Variants in MAGI3 observed in about 807,000 individuals in gnomAD.
The protein encoded by MAGI3 is membrane associated guanylate kinase, WW and PDZ domain containing 3, also known as membrane-associated guanylate kinase, WW and PDZ domain-containing protein 3.
Under a neutral mutation model 121.8 loss-of-function variants are expected in MAGI3, and 43 were observed. The observed-to-expected ratio is 0.35, with a 90% CI of 0.28 to 0.46. MAGI3 has a LOEUF of 0.46. Ranked by LOEUF, MAGI3 falls within the 20% of genes least tolerant of loss-of-function variation. The pLI is 1.00. For missense variants in MAGI3, 1,547 were observed against 1,797.3 expected (o/e 0.86, Z 2.52); for synonymous variants, 553 against 639.3 (o/e 0.86, Z 2.04).
chr1:113,447,151 A>G (rs1654215118), intron 1 of MAGI3, among the ~76,000 whole-genome samples: 1 of 152,226 alleles, frequency 6.6e-6, no homozygotes, highest in Non-Finnish European at 1.5e-5. Flanking sequence ...TGTTAACTTT[A>G]TGTTATGTGT....
intron 2 of MAGI3, among the ~76,000 whole-genome samples, chr1:113,560,404 CAAA>C (rs200874361): frequency 7.5e-5 from 11 of 147,596 alleles, no homozygotes; most frequent in African/African-American, 2.7e-4. Context: ...CAAAAACAAA[CAAA>C]AAAAACCAAA....
chr1:113,533,622 A>C (rs1658828234), intron 1 of MAGI3, among the ~76,000 whole-genome samples: 1 of 152,096 alleles, frequency 6.6e-6, no homozygotes, highest in African/African-American at 2.4e-5. Context: ...AGATAGATGA[A>C]ATTTAGCTAT....
Position 113,416,252 on chromosome 1 carries a change from TTA to T in MAGI3, c.316+24904_316+24905del, listed in dbSNP as rs1160515257. On this transcript the variant is annotated intron_variant, in intron 1 of 20. Transcript: ENST00000307546. Reference sequence around the variant, plus strand: ...TGACACATATTAATTATGTAATTAATTACACATATTAATTATGTAATTAATTA... The same window carrying T: ...TGACACATATTAATTATGTAATTAATCACATATTAATTATGTAATTAATTA... Among the ~76,000 whole-genome samples, 8 of 138,358 alleles carry T rather than the reference TTA, an allele frequency of 5.8e-5. 2 individuals are homozygous for T. The highest frequency in any genetic ancestry group is 1.3e-4 in the African/African-American group (5 of 38,522). 90.8% of individuals were successfully genotyped at this position (138,358 alleles called of 152,430 possible). A position where few individuals can be genotyped will look rare whatever the true frequency, so the allele number is the denominator to read the frequency against.
chr1:113,634,285 G>A (rs1273647469), intron 9 of MAGI3, among the ~76,000 whole-genome samples: 1 of 151,212 alleles, frequency 6.6e-6, no homozygotes, highest in Non-Finnish European at 1.5e-5. Context: ...CATTGCTTTT[G>A]GTGTTTTAGA....
chr1:113,515,911 T>C (rs1292687191), intron 1 of MAGI3, among the ~76,000 whole-genome samples: 3 of 152,114 alleles, frequency 2.0e-5, no homozygotes, highest in Non-Finnish European at 4.4e-5. Context: ...ATAGATCAAT[T>C]GTGCCTGGCA....
intron 7 of MAGI3, among the ~76,000 whole-genome samples, chr1:113,616,899 T>C (rs1281467105): frequency 1.3e-5 from 2 of 151,658 alleles, no homozygotes; most frequent in Non-Finnish European, 2.9e-5. Context: ...TTTTTTTTTT[T>C]TTTTGAGACG....
At chr1:113,559,868 G>A (rs1019213745) in intron 2 of MAGI3, among the ~76,000 whole-genome samples, 1 of 151,980 alleles carries the variant, frequency 6.6e-6, no homozygotes, top group Non-Finnish European at 1.5e-5. Context: ...ACTGTGCCTG[G>A]CCATAAAGCA....
At chr1:113,659,040 T>C (rs746648831) in intron 15 of MAGI3, 40 bp from the exon 16 acceptor site, 1 of 1,480,304 alleles carries the variant, frequency 6.8e-7, no homozygotes, top group Non-Finnish European at 9.2e-7. Flanking sequence ...CTAGCAGAAA[T>C]CTTAAATAAT....
At chr1:113,393,900 T>C (rs2101262678) in intron 1 of MAGI3, among the ~76,000 whole-genome samples, 1 of 152,338 alleles carries the variant, frequency 6.6e-6, no homozygotes, top group African/African-American at 2.4e-5. Flanking sequence ...TGCTTTTTAT[T>C]AAACCATATT....
At chr1:113,609,173 C>A (rs932096006) in intron 6 of MAGI3, among the ~76,000 whole-genome samples, 1 of 152,146 alleles carries the variant, frequency 6.6e-6, no homozygotes, top group East Asian at 1.9e-4. Flanking sequence ...CACGTAATAG[C>A]CCCACGGAAG....
At chr1:113,661,144 A>C (rs763155825) in intron 16 of MAGI3, among the ~76,000 whole-genome samples, 5 of 152,176 alleles carry the variant, frequency 3.3e-5, no homozygotes, top group Non-Finnish European at 2.9e-5. Context: ...AGTAATATCT[A>C]TTTCAGTATC....
intron 1 of MAGI3, among the ~76,000 whole-genome samples, chr1:113,471,822 C>T (rs1038685896): frequency 3.9e-5 from 6 of 152,110 alleles, no homozygotes; most frequent in African/African-American, 1.4e-4. Flanking sequence ...TCTTATGGGA[C>T]CACTGTTGTA....
chr1:113,651,584 T>C (rs1146180), intron 14 of MAGI3, among the ~76,000 whole-genome samples: 114,026 of 151,966 alleles, frequency 0.75, 43,534 homozygotes, highest in African/African-American at 0.85. Flanking sequence ...CCTCCACCTC[T>C]TGGGTTCAAG....
At chr1:113,539,770 T>C (rs1659190709) in intron 1 of MAGI3, among the ~76,000 whole-genome samples, 1 of 152,064 alleles carries the variant, frequency 6.6e-6, no homozygotes, top group Non-Finnish European at 1.5e-5. Flanking sequence ...TGGACTGCAT[T>C]GTCATATATT....
At chr1:113,420,785 T>G (rs1447089606) in intron 1 of MAGI3, among the ~76,000 whole-genome samples, 1 of 152,186 alleles carries the variant, frequency 6.6e-6, no homozygotes, top group Non-Finnish European at 1.5e-5. Context: ...AGTTGAGAGA[T>G]CTAGTTAGTA....
At chr1:113,454,090 C>G (rs1654627738) in intron 1 of MAGI3, among the ~76,000 whole-genome samples, 1 of 152,110 alleles carries the variant, frequency 6.6e-6, no homozygotes, top group Non-Finnish European at 1.5e-5. Flanking sequence ...ATTAGGTTAA[C>G]AGTATGCCAC....
rs1157800676 is a variant in MAGI3 at position 113,629,744 on chromosome 1, C to CTGTG, written c.1360+6751_1360+6752insGTGT. Reference sequence around the variant, plus strand: ...AGTCAGTCTCCCTCTCTCTCTCTCTCTCTCTCTCTCTCTCTCTCCCTCCCT... The same window carrying CTGTG: ...AGTCAGTCTCCCTCTCTCTCTCTCTCTGTGTCTCTCTCTCTCTCTCTCCCTCCCT... On this transcript the variant is annotated intron_variant, in intron 9 of 20. Transcript: ENST00000307546. 2.8e-4 allele frequency among the ~76,000 whole-genome samples: 16 copies of CTGTG among 57,700 alleles called. No homozygotes were observed. The South Asian group carries it at 0.017, about 62-fold the overall frequency. 37.9% of individuals were successfully genotyped at this position (57,700 alleles called of 152,430 possible).
chr1:113,416,432 A>T (rs1395089505), intron 1 of MAGI3, among the ~76,000 whole-genome samples: 3 of 128,156 alleles, frequency 2.3e-5, no homozygotes, highest in African/African-American at 8.7e-5. Context: ...AATAATATAT[A>T]TTAATTATAT....
chr1:113,394,200 TATAATCTTTAATAGAG>T (rs555541048), intron 1 of MAGI3, among the ~76,000 whole-genome samples: 214 of 152,228 alleles, frequency 1.4e-3, no homozygotes, highest in Non-Finnish European at 2.6e-3. Flanking sequence ...TTTTTGTTGT[TATAATCTTTAATAGAG>T]AATTGAAAGT....
Sources: gnomAD v4.1 joint callset for allele counts (sites outside exome capture counted in the v4.1 genomes callset) on GRCh38, gnomAD v4.1.1 for gene constraint, MANE v1.5 for transcripts, NCBI Gene and HGNC (gene_info 2026-07-23, HGNC 2026-07-21) for gene names.